PACRG: variants seen among roughly 807,000 people sequenced by gnomAD.
PACRG encodes parkin coregulated gene protein.
A neutral mutation model predicts 29.7 loss-of-function variants in PACRG; 29 were observed. The observed-to-expected ratio is 0.98, with a 90% confidence interval of 0.73 to 1.33. The LOEUF (loss-of-function observed/expected upper bound fraction) is 1.33. Ranked by LOEUF, PACRG falls within the 40% of genes most tolerant of loss-of-function variation. The probability of loss-of-function intolerance (pLI) is 0.00; values close to 1 mark genes in which losing one functional copy is unlikely to be tolerated. For synonymous variants in PACRG, 116 were observed against 118.7 expected (o/e 0.98, Z 0.15); for missense variants, 279 against 316.2 (o/e 0.88, Z 0.89).
chr6:163,263,395 T>C (rs6913469), intron 4 of PACRG, among the ~76,000 whole-genome samples: 115,669 of 152,028 alleles, frequency 0.76, 44,241 homozygotes, highest in African/African-American at 0.83. Flanking sequence ...CCGCAGCCTC[T>C]GTGTTTCTGT....
rs779444045 is a variant in PACRG at position 162,728,375 on chromosome 6, T to C, written c.140T>C (p.Met47Thr). ...TCTGAGGGTTTCACAGTCAAAGCCA[T>C]GATGAAAAACTCAGTCGTAAGTGAT... ...LVSEGFTVKA[M>T]MKNSVVRGPP... is the part of the protein sequence containing the mutation. Residue 47 changes from methionine to threonine, a missense_variant, in exon 1 of 5, where the codon ATG (methionine) becomes ACG (threonine). By Grantham distance (81) the Met-to-Thr change is moderately conservative (BLOSUM62 -1). Transcript: ENST00000366888. The C allele has an allele frequency of 3.7e-6, 6 of 1,612,654 alleles. No individual in the cohort carries two copies. The East Asian group carries it at 8.9e-5, about 24-fold the overall frequency.
chr6:162,790,680 A>T (rs866732152), intron 1 of PACRG, among the ~76,000 whole-genome samples: 1 of 152,152 alleles, frequency 6.6e-6, no homozygotes, highest in African/African-American at 2.4e-5. Flanking sequence ...TTCCCTCTGC[A>T]CAAAATTTAT....
At chr6:163,204,172 A>G (rs1780811140) in intron 4 of PACRG, among the ~76,000 whole-genome samples, 1 of 152,262 alleles carries the variant, frequency 6.6e-6, no homozygotes, top group African/African-American at 2.4e-5. Flanking sequence ...ATTCATGAAC[A>G]CAGGTAATAG....
chr6:162,958,357 G>A (rs1361149639), intron 2 of PACRG, among the ~76,000 whole-genome samples: 1 of 151,914 alleles, frequency 6.6e-6, no homozygotes, highest in African/African-American at 2.4e-5. Context: ...ATTTTTTACA[G>A]CCTATCTCGT....
chr6:162,923,759 T>C (rs539709920), intron 2 of PACRG, among the ~76,000 whole-genome samples: 1 of 152,274 alleles, frequency 6.6e-6, no homozygotes, highest in Non-Finnish European at 1.5e-5. Context: ...TTGGTAACCA[T>C]AGGCTTATAA....
At chr6:162,786,853 G>A (rs536219884) in intron 1 of PACRG, among the ~76,000 whole-genome samples, 1 of 151,964 alleles carries the variant, frequency 6.6e-6, no homozygotes, top group Non-Finnish European at 1.5e-5. Flanking sequence ...AATTTTTTCA[G>A]TTGTATTGGA....
chr6:163,253,532 C>G (rs1051745340), intron 4 of PACRG, among the ~76,000 whole-genome samples: 2 of 152,068 alleles, frequency 1.3e-5, no homozygotes, highest in South Asian at 4.1e-4. Context: ...TGGAGATTGT[C>G]TATCTAAACC....
At chr6:163,309,264 G>A (rs775717766) in intron 4 of PACRG, among the ~76,000 whole-genome samples, 6 of 152,236 alleles carry the variant, frequency 3.9e-5, no homozygotes, top group Non-Finnish European at 8.8e-5. Flanking sequence ...TGGCGGTGCG[G>A]CTGAACCACG....
At chr6:163,076,712 C>T (rs934984835) in intron 3 of PACRG, among the ~76,000 whole-genome samples, 6 of 152,180 alleles carry the variant, frequency 3.9e-5, no homozygotes, top group African/African-American at 1.4e-4. Flanking sequence ...TGTCTTCGCT[C>T]ATTTTTCGGA....
At chr6:163,026,319 G>A (rs775068005) in intron 2 of PACRG, among the ~76,000 whole-genome samples, 8 of 152,122 alleles carry the variant, frequency 5.3e-5, no homozygotes, top group Non-Finnish European at 1.0e-4. Flanking sequence ...CTTCTTCCCT[G>A]CATATTTCAC....
At chr6:163,035,649 A>T (rs902455665) in intron 2 of PACRG, among the ~76,000 whole-genome samples, 3 of 151,034 alleles carry the variant, frequency 2.0e-5, no homozygotes, top group Non-Finnish European at 4.4e-5. Context: ...CCATGTCAAA[A>T]AATAATAATA....
intron 4 of PACRG, among the ~76,000 whole-genome samples, chr6:163,259,099 A>G (rs1783224868): frequency 6.6e-6 from 1 of 152,204 alleles, no homozygotes; most frequent in African/African-American, 2.4e-5. Flanking sequence ...CTGATACCTG[A>G]CAAGAATAGG....
intron 4 of PACRG, among the ~76,000 whole-genome samples, chr6:163,141,330 T>G (rs1817142410): frequency 6.6e-6 from 1 of 152,028 alleles, no homozygotes; most frequent in Non-Finnish European, 1.5e-5. Flanking sequence ...GTGAGTACAT[T>G]AGTAAGAAGA....
intron 4 of PACRG, among the ~76,000 whole-genome samples, chr6:163,292,251 G>A (rs7768540): frequency 0.13 from 20,534 of 152,200 alleles, 2,608 homozygotes; most frequent in African/African-American, 0.34. Context: ...AGCTCCTCCT[G>A]CACTTTCACA....
chr6:163,261,436 G>T (rs1783322755), intron 4 of PACRG, among the ~76,000 whole-genome samples: 1 of 151,994 alleles, frequency 6.6e-6, no homozygotes, highest in Admixed American at 6.6e-5. Flanking sequence ...TGAGGTGCTG[G>T]ATTTTCACTG....
chr6:163,078,965 C>T (rs573428064), intron 3 of PACRG, among the ~76,000 whole-genome samples: 1 of 151,954 alleles, frequency 6.6e-6, no homozygotes, highest in Admixed American at 6.5e-5. Flanking sequence ...TATCCCATGC[C>T]TGTGGGTACG....
intron 1 of PACRG, among the ~76,000 whole-genome samples, chr6:162,769,543 A>G (rs1337835487): frequency 1.3e-5 from 2 of 151,942 alleles, no homozygotes; most frequent in Non-Finnish European, 1.5e-5. Flanking sequence ...GTCTATAGGG[A>G]TAGTATTTTC....
intron 2 of PACRG, among the ~76,000 whole-genome samples, chr6:162,996,321 G>T (rs1804044117): frequency 6.6e-6 from 1 of 152,052 alleles, no homozygotes; most frequent in African/African-American, 2.4e-5. Context: ...TTAAAAAGGG[G>T]TCATTACTGG....
At chr6:162,981,905 AT>A (rs61345315) in intron 2 of PACRG, among the ~76,000 whole-genome samples, 16,216 of 124,086 alleles carry the variant, frequency 0.13, 2,741 homozygotes, top group African/African-American at 0.39. Context: ...CTGGTCCTGG[AT>A]TTTTTTTTTT....
Sources: gnomAD v4.1 joint callset for allele counts (sites outside exome capture counted in the v4.1 genomes callset) on GRCh38, gnomAD v4.1.1 for gene constraint, MANE v1.5 for transcripts, NCBI Gene and HGNC (gene_info 2026-07-23, HGNC 2026-07-21) for gene names.